The following CDH13 variants were observed in gnomAD, a reference collection of about 807,000 sequenced individuals.
CDH13 encodes cadherin 13.
CDH13 carries 24 observed loss-of-function variants against 63.8 expected under a neutral mutation model. The ratio of observed to expected loss-of-function variants is 0.38; its 90% CI spans 0.27 to 0.53. The LOEUF (loss-of-function observed/expected upper bound fraction) is 0.53, where lower values mean the gene tolerates loss of function less well. CDH13 is among the 20% of genes least tolerant of loss of function. CDH13 has a pLI of 0.85. For synonymous variants in CDH13, 503 were observed against 355.3 expected (o/e 1.42, Z -4.67); for missense variants, 1,049 against 903.1 (o/e 1.16, Z -2.07).
At chr16:83,096,655 C>T (rs4782747) in intron 3 of CDH13, among the ~76,000 whole-genome samples, 147,775 of 152,270 alleles carry the variant, frequency 0.97, 71,860 homozygotes, top group Middle Eastern at 1. Context: ...GCAAAGTGAG[C>T]GGATTTGGGT....
At chr16:83,190,302 C>A (rs2038658757) in intron 4 of CDH13, among the ~76,000 whole-genome samples, 1 of 152,080 alleles carries the variant, frequency 6.6e-6, no homozygotes, top group Non-Finnish European at 1.5e-5. Flanking sequence ...TGTCATGGGG[C>A]AAGTGGGAGG....
chr16:83,275,113 A>T (rs533381041), intron 5 of CDH13, among the ~76,000 whole-genome samples: 12 of 152,264 alleles, frequency 7.9e-5, no homozygotes, highest in African/African-American at 2.4e-4. Flanking sequence ...CATTTCCTAG[A>T]ACAGTGCCTG....
chr16:82,708,929 C>T (rs1039771438), intron 1 of CDH13, among the ~76,000 whole-genome samples: 14 of 152,172 alleles, frequency 9.2e-5, no homozygotes, highest in African/African-American at 3.1e-4. Context: ...GTCTTTTATA[C>T]ATTTGGCAAC....
intron 6 of CDH13, among the ~76,000 whole-genome samples, chr16:83,352,290 A>G (rs2090969000): frequency 6.6e-6 from 1 of 152,206 alleles, no homozygotes; most frequent in African/African-American, 2.4e-5. Context: ...TGGAATGAAA[A>G]GTATTATCTG....
intron 8 of CDH13, among the ~76,000 whole-genome samples, chr16:83,649,840 C>T (rs537939604): frequency 2.6e-5 from 4 of 152,150 alleles, no homozygotes; most frequent in Admixed American, 1.3e-4. Flanking sequence ...CACCCAGCCA[C>T]CTGAGGACCT....
intron 1 of CDH13, among the ~76,000 whole-genome samples, chr16:82,787,642 G>A (rs565600077): frequency 6.6e-6 from 1 of 152,224 alleles, no homozygotes; most frequent in African/African-American, 2.4e-5. Context: ...TAAATGGACA[G>A]GTGGGACCTA....
intron 2 of CDH13, among the ~76,000 whole-genome samples, chr16:82,967,179 T>G (rs1202934288): frequency 6.6e-6 from 1 of 152,102 alleles, no homozygotes; most frequent in Non-Finnish European, 1.5e-5. Flanking sequence ...GCAAGGAACT[T>G]CCTATGTCAA....
At chr16:82,721,939 A>T (rs188534389) in intron 1 of CDH13, among the ~76,000 whole-genome samples, 78 of 152,178 alleles carry the variant, frequency 5.1e-4, no homozygotes, top group Non-Finnish European at 9.3e-4. Context: ...CTTTCCTGAA[A>T]TGTAGTTGGG....
chr16:83,105,140 T>A (rs897294735), intron 3 of CDH13, among the ~76,000 whole-genome samples: 4 of 152,192 alleles, frequency 2.6e-5, no homozygotes, highest in African/African-American at 9.7e-5. Context: ...ATGCATTAGC[T>A]ATTTTAAGAG....
At chr16:82,680,030 A>G (rs965889521) in intron 1 of CDH13, among the ~76,000 whole-genome samples, 4 of 152,182 alleles carry the variant, frequency 2.6e-5, no homozygotes, top group Admixed American at 1.3e-4. Flanking sequence ...TGGAGGTTCC[A>G]GGATCTATGG....
At chr16:83,439,249 C>G (rs12929721) in intron 6 of CDH13, among the ~76,000 whole-genome samples, 1 of 152,018 alleles carries the variant, frequency 6.6e-6, no homozygotes, top group Non-Finnish European at 1.5e-5. Context: ...AGCAATTACT[C>G]GTGAAAAAGA....
intron 10 of CDH13, among the ~76,000 whole-genome samples, chr16:83,712,376 T>G (rs970391531): frequency 2.6e-5 from 4 of 152,312 alleles, no homozygotes; most frequent in African/African-American, 9.6e-5. Flanking sequence ...GCTTTAGCAT[T>G]GAAAACAGGA....
chr16:83,228,127 A>G (rs1175209254), intron 5 of CDH13, among the ~76,000 whole-genome samples: 1 of 152,192 alleles, frequency 6.6e-6, no homozygotes, highest in Non-Finnish European at 1.5e-5. Flanking sequence ...TGCTGTCCTT[A>G]TCTCTCATGT....
rs576343195 is a variant in CDH13, at chr16:83,198,330, C to CACAG, written c.484-19012_484-19011insGACA. On this transcript the variant is annotated intron_variant, in intron 4 of 13. Transcript: ENST00000567109. ...ACTAAATCACACACATGTACACACA[C>CACAG]ACACACACACACACACACACACAAT... Among the ~76,000 whole-genome samples the CACAG allele has an allele frequency of 1.1e-3, 166 of 151,712 alleles. 2 individuals are homozygous for CACAG. Among genetic ancestry groups the CACAG allele is most frequent in the African/African-American group, 3.9e-3 (160 of 41,354 alleles).
At chr16:82,774,532 A>C (rs1053865644) in intron 1 of CDH13, among the ~76,000 whole-genome samples, 7 of 152,216 alleles carry the variant, frequency 4.6e-5, no homozygotes, top group Non-Finnish European at 8.8e-5. Flanking sequence ...TGACCTTCAG[A>C]AAAAGAATTA....
In CDH13 at chr16:83,702,387, A is replaced by C. The variant is rs538577690; in HGVS notation, c.1538+23926A>C. Among the ~76,000 whole-genome samples, 4 of 152,270 alleles carry C rather than the reference A, an allele frequency of 2.6e-5. No homozygotes were observed. In the East Asian group the frequency reaches 7.7e-4, roughly 29 times the overall value. ...GTGGGGTGGGATGGCTCTGCTCCAT[A>C]ACGTTCAGAGATCCTTGGCACCTTC... On this transcript the variant is annotated intron_variant, in intron 10 of 13. Transcript: ENST00000567109.
At chr16:83,196,525 CA>C (rs2038884691) in intron 4 of CDH13, among the ~76,000 whole-genome samples, 1 of 152,026 alleles carries the variant, frequency 6.6e-6, no homozygotes, top group South Asian at 2.1e-4. Context: ...AAAATACTTA[CA>C]AACCACATAT....
chr16:83,412,281 G>A (rs2092139763), intron 6 of CDH13, among the ~76,000 whole-genome samples: 1 of 152,110 alleles, frequency 6.6e-6, no homozygotes, highest in African/African-American at 2.4e-5. Context: ...GGCCAACACG[G>A]TGAAACCCCA....
chr16:83,544,775 C>T (rs2075354857), intron 7 of CDH13, among the ~76,000 whole-genome samples: 1 of 152,170 alleles, frequency 6.6e-6, no homozygotes, highest in African/African-American at 2.4e-5. Context: ...TTAACCCTCA[C>T]CGTCTTTGTT....
Sources: gnomAD v4.1 joint callset for allele counts (sites outside exome capture counted in the v4.1 genomes callset) on GRCh38, gnomAD v4.1.1 for gene constraint, MANE v1.5 for transcripts, NCBI Gene and HGNC (gene_info 2026-07-23, HGNC 2026-07-21) for gene names.